The following ANLN variants were observed in gnomAD, a reference collection of about 807,000 sequenced individuals.
ANLN encodes anillin, actin binding protein.
Under a neutral mutation model 135.1 loss-of-function variants are expected in ANLN, and 59 were observed. That is an observed-to-expected ratio of 0.44 (90% CI 0.35 to 0.54). ANLN has a LOEUF of 0.54. Among genes scored for constraint, ANLN ranks in the 20% least tolerant of loss-of-function variants. ANLN has a pLI of 0.00. For synonymous variants in ANLN, 406 were observed against 456.4 expected, an observed-to-expected ratio of 0.89 and a Z score of 1.41; for missense variants, 1,182 against 1,340.0, an observed-to-expected ratio of 0.88 and a Z score of 1.84.
intron 1 of ANLN, among the ~76,000 whole-genome samples, chr7:36,394,463 G>A (rs1786612426): frequency 6.6e-6 from 1 of 152,028 alleles, no homozygotes; most frequent in Admixed American, 6.6e-5. Context: ...GGACATATAT[G>A]GATTTGTGAA....
At position 36,413,357 on chromosome 7, in the gene ANLN, C is replaced by T. The variant is rs189420499; in HGVS notation, c.1395+2191C>T. ...CTTCCACGACTCAGTATCCTAATCA[C>T]GTTTGTCAGTGATCTTCACCTACTA... is the stretch of plus-strand genomic sequence containing the variant. On this transcript the variant is annotated intron_variant, in intron 7 of 23. Coordinates refer to ENST00000265748, the MANE Select transcript of ANLN (RefSeq NM_018685.5). Among the ~76,000 whole-genome samples, 582 of 152,258 alleles carry T rather than the reference C, an allele frequency of 3.8e-3. 3 individuals carry two copies. The highest frequency in any genetic ancestry group is 5.4e-3 in the Non-Finnish European group (366 of 68,026).
At chr7:36,420,525 T>C in intron 11 of ANLN, 72 bp from the exon 12 acceptor site, 1 of 1,363,706 alleles carries the variant, frequency 7.3e-7, no homozygotes. Flanking sequence ...CAAATTCTGC[T>C]GATATGTTCA....
In ANLN at chr7:36,396,284, C is replaced by G. The variant is rs997141455; in HGVS notation, c.37C>G (p.Arg13Gly). The G allele has an allele frequency of 1.9e-6, 3 of 1,603,660 alleles. No individual in the cohort carries two copies. In the African/African-American group the frequency reaches 4.0e-5, roughly 21 times the overall value. ...TATGTAGAAACTGCTGGAGCGAACC[C>G]GTGCCAGGCGAGAGAATCTTCAGAG... Reference protein sequence around the residue: ...PFTEKLLERTRARRENLQRKM... With the variant: ...PFTEKLLERTGARRENLQRKM... Residue 13 changes from arginine (R) to glycine (G), a missense_variant, in exon 2 of 24, where the codon CGT (arginine) becomes GGT (glycine). Physicochemically the swap from Arg to Gly is moderately radical, Grantham distance 125 (BLOSUM62 -2). Transcript: ENST00000265748.
chr7:36,429,223 G>GT lies in ANLN; in HGVS notation c.2883+2205dup, dbSNP rs1290312345. On this transcript the variant is annotated intron_variant, in intron 20 of 23. Coordinates refer to ENST00000265748, the MANE Select transcript of ANLN (RefSeq NM_018685.5). ...AATATATTTTGGAAGACTTTTTAAAGTTTTTTTTTTGTTTTGAGATAGAGT... is the reference window on the plus strand; with the variant it reads ...AATATATTTTGGAAGACTTTTTAAAGTTTTTTTTTTTGTTTTGAGATAGAGT... 2.7e-4 allele frequency among the ~76,000 whole-genome samples: 40 copies of GT among 147,880 alleles called. 1 individual carries two copies. In the South Asian group the frequency reaches 3.9e-3, roughly 14 times the overall value.
At position 36,389,867 on chromosome 7, in the gene ANLN, C is replaced by T; in HGVS notation, c.-160C>T. ...TTTGAACGGCTGCAGAGGCCGAGTC[C>T]GTCACTGGAAGCCGAGAGGAGAGGA... On this transcript the variant is annotated 5_prime_UTR_variant, in exon 1 of 24. Coordinates refer to ENST00000265748, the MANE Select transcript of ANLN (RefSeq NM_018685.5). 1.5e-6 allele frequency: 2 copies of T among 1,315,638 alleles called. No homozygotes were observed. Among genetic ancestry groups the T allele is most frequent in the East Asian group, 2.4e-5 (1 of 41,934 alleles). 81.5% of individuals were successfully genotyped at this position (1,315,638 alleles called of 1,614,324 possible).
At chr7:36,392,368 A>G (rs1358700616) in intron 1 of ANLN, among the ~76,000 whole-genome samples, 1 of 152,110 alleles carries the variant, frequency 6.6e-6, no homozygotes, top group East Asian at 1.9e-4. Flanking sequence ...AAAGAAGGCA[A>G]GGAAATTAGT....
intron 15 of ANLN, 125 bp from the exon 16 acceptor site, chr7:36,424,420 T>G: frequency 1.4e-6 from 1 of 706,542 alleles, no homozygotes; most frequent in South Asian, 3.8e-5. Flanking sequence ...TTAACAATTT[T>G]TATTGACTTT....
At chr7:36,414,552 A>T (rs1332830650) in intron 7 of ANLN, among the ~76,000 whole-genome samples, 1 of 152,170 alleles carries the variant, frequency 6.6e-6, no homozygotes, top group Non-Finnish European at 1.5e-5. Context: ...AGGAAAGGGA[A>T]GGTGACAGGG....
In ANLN at chr7:36,406,371, A is replaced by G. The variant is rs1469169775; in HGVS notation, c.678A>G (p.Val226=). ...ACTCATTTGCAAAACAAAACAGTGTACAAGAACAGCCTGGTACCGCTTGTT... is the reference window on the plus strand; with the variant it reads ...ACTCATTTGCAAAACAAAACAGTGTGCAAGAACAGCCTGGTACCGCTTGTT... ...VNHSFAKQNS[V]QEQPGTACLS... Residue 226 remains valine (V), a synonymous_variant, in exon 4 of 24, where the codon GTA becomes GTG. Transcript: ENST00000265748. 6.2e-7 allele frequency: 1 copy of G among 1,614,046 alleles called. No homozygotes were observed. Among genetic ancestry groups the G allele is most frequent in the South Asian group, 1.1e-5 (1 of 91,092 alleles).
At chr7:36,447,555 G>A (rs1789061818) in intron 22 of ANLN, among the ~76,000 whole-genome samples, 1 of 151,442 alleles carries the variant, frequency 6.6e-6, no homozygotes, top group South Asian at 2.1e-4. Flanking sequence ...CTCCCGAGTA[G>A]CTGGGACTAC....
At chr7:36,450,014 A>G (rs1789180841) in intron 23 of ANLN, among the ~76,000 whole-genome samples, 177 bp downstream of exon 23, 1 of 152,238 alleles carries the variant, frequency 6.6e-6, no homozygotes, top group African/African-American at 2.4e-5. Flanking sequence ...AAATTAATGT[A>G]GTTAAGGAAA....
At chr7:36,429,867 C>T (rs2116714012) in intron 20 of ANLN, among the ~76,000 whole-genome samples, 1 of 152,290 alleles carries the variant, frequency 6.6e-6, no homozygotes, top group Non-Finnish European at 1.5e-5. Flanking sequence ...TATTCCCATT[C>T]ACTTAACTCC....
intron 2 of ANLN, among the ~76,000 whole-genome samples, chr7:36,398,355 A>AT (rs1312372101): frequency 6.6e-5 from 10 of 152,278 alleles, no homozygotes; most frequent in African/African-American, 2.4e-4. Flanking sequence ...AACCATGCTT[A>AT]TTAGTTATTT....
In ANLN at chr7:36,410,495, ATG is replaced by A. The variant is rs1554342529; in HGVS notation, c.1097-11_1097-10del. ...TTTTTATTTTGAATAGCCTCCAAAA[ATG>A]TGTGTGTTTTCTGTAGGAGGAACAG... On this transcript the variant is annotated splice_polypyrimidine_tract_variant and intron_variant, in intron 5 of 23. Coordinates refer to ENST00000265748, the MANE Select transcript of ANLN (RefSeq NM_018685.5). 1 of 1,560,356 alleles carries A rather than the reference ATG, an allele frequency of 6.4e-7. No individual in the cohort carries two copies. Among genetic ancestry groups the A allele is most frequent in the Non-Finnish European group, 8.6e-7 (1 of 1,157,324 alleles).
In ANLN at chr7:36,406,496, C is replaced by G. The variant is rs1204322353; in HGVS notation, c.803C>G (p.Ser268Cys). 2 of 1,588,076 alleles carry G rather than the reference C, an allele frequency of 1.3e-6. No homozygotes were observed. Among genetic ancestry groups the G allele is most frequent in the Admixed American group, 1.7e-5 (1 of 57,842 alleles). ...TGTTCCCAAAGGGATGGCGATGCCTCTTTGAATAAAGCCCTATCCTCAAGT... is the reference window on the plus strand; with the variant it reads ...TGTTCCCAAAGGGATGGCGATGCCTGTTTGAATAAAGCCCTATCCTCAAGT... ...TFCSQRDGDA[S>C]LNKALSSSAD... Residue 268 changes from serine (S) to cysteine (C), a missense_variant, in exon 4 of 24, where the codon TCT becomes TGT. By Grantham distance (112) the Ser-to-Cys change is moderately radical. This residue lies in a region of ANLN where 1,022 missense variants were observed against 1,134.0 expected (regional missense o/e 0.90). Coordinates refer to ENST00000265748, the MANE Select transcript of ANLN (RefSeq NM_018685.5).
chr7:36,442,866 G>A (rs1265331712), intron 21 of ANLN, among the ~76,000 whole-genome samples: 5 of 151,764 alleles, frequency 3.3e-5, no homozygotes, highest in African/African-American at 1.2e-4. Context: ...TCCTGACCTC[G>A]TGATCCGCCC....
chr7:36,450,610 G>A (rs1196912429), intron 23 of ANLN, among the ~76,000 whole-genome samples: 1 of 152,170 alleles, frequency 6.6e-6, no homozygotes, highest in Non-Finnish European at 1.5e-5. Context: ...TTTTAAAATA[G>A]CTAGATAGAG....
At chr7:36,420,394 A>C in intron 11 of ANLN, 80 bp downstream of exon 11, 1 of 1,515,256 alleles carries the variant, frequency 6.6e-7, no homozygotes, top group Non-Finnish European at 8.9e-7. Flanking sequence ...ATTTGTAATT[A>C]TAATGTTATT....
chr7:36,443,903 G>T, intron 22 of ANLN, 41 bp downstream of exon 22: 3 of 1,406,974 alleles, frequency 2.1e-6, no homozygotes, highest in South Asian at 2.5e-5. Context: ...AGCCCTGATT[G>T]ACTTTCGTGT....
Sources: gnomAD v4.1 joint callset for allele counts (sites outside exome capture counted in the v4.1 genomes callset) on GRCh38, gnomAD v4.1.1 for gene constraint, gnomAD v4.1.1 regional missense constraint, MANE v1.5 for transcripts, NCBI Gene and HGNC (gene_info 2026-07-23, HGNC 2026-07-21) for gene names.